NEK11: variants seen among roughly 807,000 people sequenced by gnomAD.
NEK11 encodes serine/threonine-protein kinase Nek11.
NEK11 carries 72 observed loss-of-function variants against 80.7 expected under a neutral mutation model. The observed-to-expected ratio is 0.89, with a 90% CI of 0.74 to 1.08. NEK11 has a LOEUF of 1.08. NEK11 is among the 50% of genes least tolerant of loss of function. The pLI is 0.00. For missense variants in NEK11, 764 were observed against 763.6 expected, an observed-to-expected ratio of 1.00 and a Z score of -0.01; for synonymous variants, 251 against 260.7, an observed-to-expected ratio of 0.96 and a Z score of 0.36.
intron 14 of NEK11, among the ~76,000 whole-genome samples, chr3:131,225,608 AAC>A (rs774593088): frequency 4.6e-5 from 7 of 152,252 alleles, no homozygotes; most frequent in Non-Finnish European, 1.0e-4. Context: ...AAGCTTAAAT[AAC>A]ACAGTGTTAC....
chr3:131,148,536 G>A (rs2088889696), intron 7 of NEK11, among the ~76,000 whole-genome samples: 1 of 151,876 alleles, frequency 6.6e-6, no homozygotes, highest in Non-Finnish European at 1.5e-5. Context: ...ATATTGAGAA[G>A]ATAAAGGTAG....
At chr3:131,290,984 T>G (rs2096538145) in intron 17 of NEK11, among the ~76,000 whole-genome samples, 2 of 152,234 alleles carry the variant, frequency 1.3e-5, no homozygotes, top group Non-Finnish European at 2.9e-5. Context: ...GGCTCACTGT[T>G]GGTGTTGTAC....
At chr3:131,173,444 T>G (rs1288938310) in intron 14 of NEK11, among the ~76,000 whole-genome samples, 1 of 151,992 alleles carries the variant, frequency 6.6e-6, no homozygotes, top group Non-Finnish European at 1.5e-5. Flanking sequence ...GACCAAAAAG[T>G]CTGAGCTTCT....
chr3:131,344,490 C>A (rs2097332685), intron 17 of NEK11, among the ~76,000 whole-genome samples: 1 of 152,210 alleles, frequency 6.6e-6, no homozygotes, highest in Admixed American at 6.5e-5. Flanking sequence ...CTGCCCATTA[C>A]CCAGGTTCCA....
At chr3:131,209,839 A>G (rs1299009611) in intron 14 of NEK11, among the ~76,000 whole-genome samples, 2 of 151,910 alleles carry the variant, frequency 1.3e-5, no homozygotes, top group Non-Finnish European at 2.9e-5. Flanking sequence ...TATCCCCTTT[A>G]TCATTTTTTA....
At chr3:131,176,770 T>A (rs2093041527) in intron 14 of NEK11, among the ~76,000 whole-genome samples, 1 of 152,112 alleles carries the variant, frequency 6.6e-6, no homozygotes, top group African/African-American at 2.4e-5. Context: ...CAGGTATTCA[T>A]GGGGAAAACC....
At chr3:131,088,618 A>G (rs2076327605) in intron 4 of NEK11, among the ~76,000 whole-genome samples, 1 of 152,196 alleles carries the variant, frequency 6.6e-6, no homozygotes, top group Non-Finnish European at 1.5e-5. Context: ...AGATAAAAGC[A>G]TTATTTCACA....
chr3:131,105,903 T>C (rs573868053), intron 4 of NEK11, among the ~76,000 whole-genome samples: 22 of 152,346 alleles, frequency 1.4e-4, no homozygotes, highest in African/African-American at 3.8e-4. Context: ...AATTATTCTC[T>C]TTTTGTTTTA....
intron 5 of NEK11, among the ~76,000 whole-genome samples, chr3:131,131,742 C>T (rs1348600014): frequency 5.3e-5 from 8 of 151,808 alleles, no homozygotes; most frequent in African/African-American, 1.7e-4. Flanking sequence ...TTTCTCCTTA[C>T]TTTTGGTTTA....
chr3:131,141,193 G>T (rs1336622593), intron 7 of NEK11, among the ~76,000 whole-genome samples: 1 of 152,024 alleles, frequency 6.6e-6, no homozygotes, highest in African/African-American at 2.4e-5. Context: ...AGACATGAAG[G>T]TTTCTGTCCT....
At chr3:131,158,470 C>T (rs1197790029) in intron 10 of NEK11, among the ~76,000 whole-genome samples, 1 of 152,184 alleles carries the variant, frequency 6.6e-6, no homozygotes, top group Admixed American at 6.5e-5. Flanking sequence ...CAGCCCTGGC[C>T]CTACCAGCAC....
At chr3:131,097,890 T>A (rs547515935) in intron 4 of NEK11, among the ~76,000 whole-genome samples, 2 of 144,696 alleles carry the variant, frequency 1.4e-5, no homozygotes, top group Non-Finnish European at 3.1e-5. Context: ...GGCATCACGC[T>A]ACCTGACTTC....
intron 15 of NEK11, among the ~76,000 whole-genome samples, chr3:131,231,546 AT>A (rs2095330560): frequency 6.6e-6 from 1 of 151,256 alleles, no homozygotes; most frequent in African/African-American, 2.4e-5. Flanking sequence ...AAATAGAGTA[AT>A]TTGTTTAGAG....
In NEK11 at chr3:131,253,224, A is replaced by G. The variant is rs570023083; in HGVS notation, c.1621+9728A>G. ...CAAGGTTTTGTGAAAGTACCAGGGA[A>G]TACCTACTAGGTGCTTTTCTCATAC... On this transcript the variant is annotated intron_variant, in intron 16 of 17. Transcript: ENST00000383366. 1.7e-4 allele frequency among the ~76,000 whole-genome samples: 26 copies of G among 152,270 alleles called. 1 individual carries two copies. In the South Asian group the frequency reaches 4.8e-3, roughly 28 times the overall value.
At chr3:131,199,521 TA>T (rs1399439888) in intron 14 of NEK11, among the ~76,000 whole-genome samples, 1 of 151,994 alleles carries the variant, frequency 6.6e-6, no homozygotes, top group Non-Finnish European at 1.5e-5. Context: ...TTTTAAAAAT[TA>T]ACATTTTTAT....
At chr3:131,194,927 T>G (rs556339114) in intron 14 of NEK11, among the ~76,000 whole-genome samples, 7 of 152,272 alleles carry the variant, frequency 4.6e-5, no homozygotes, top group Admixed American at 4.6e-4. Flanking sequence ...TCTGAAACTT[T>G]CCCAAGTTTC....
At chr3:131,314,831 A>C (rs2096820464) in intron 17 of NEK11, among the ~76,000 whole-genome samples, 1 of 152,224 alleles carries the variant, frequency 6.6e-6, no homozygotes, top group African/African-American at 2.4e-5. Context: ...TGTTTTTAAA[A>C]TATATTTTAT....
chr3:131,096,709 TTTTAA>T (rs765686989), intron 4 of NEK11, among the ~76,000 whole-genome samples: 10 of 151,896 alleles, frequency 6.6e-5, no homozygotes, highest in East Asian at 3.9e-4. Context: ...TGACTTTTTA[TTTTAA>T]TTTAATTTAA....
chr3:131,078,109 G>C (rs1577933873), intron 3 of NEK11, among the ~76,000 whole-genome samples: 1 of 152,116 alleles, frequency 6.6e-6, no homozygotes, highest in African/African-American at 2.4e-5. Flanking sequence ...ATGCAAATTG[G>C]CCTCCTCTTT....
Sources: allele counts gnomAD v4.1 joint callset (sites outside exome capture counted in the v4.1 genomes callset), GRCh38; gene constraint gnomAD v4.1.1; transcripts MANE v1.5; gene names NCBI Gene and HGNC (gene_info 2026-07-23, HGNC 2026-07-21).